Variants in GPRIN2 observed in about 807,000 individuals in gnomAD.
GPRIN2 encodes the protein G protein-regulated inducer of neurite outgrowth 2.
GPRIN2 carries 1 observed loss-of-function variant against 0.3 expected under a neutral mutation model. The observed-to-expected ratio is 3.90, with a 90% CI of 1.39 to 18.51. GPRIN2 has a LOEUF of 18.51. Ranked by LOEUF, GPRIN2 falls within the 30% of genes most tolerant of loss-of-function variation. The pLI, the probability that GPRIN2 is intolerant of heterozygous loss-of-function variation, is 0.11. For synonymous variants in GPRIN2, 361 were observed against 258.6 expected, an observed-to-expected ratio of 1.40 and a Z score of -3.80; for missense variants, 880 against 604.2, an observed-to-expected ratio of 1.46 and a Z score of -4.79.
In GPRIN2 at chr10:46,546,335, C is replaced by A. The variant is rs1842158811; in HGVS notation, c.*3025G>T. 6.6e-6 allele frequency among the ~76,000 whole-genome samples: 1 copy of A among 152,306 alleles called. No homozygotes were observed. On this transcript the variant is annotated 3_prime_UTR_variant, in exon 3 of 3. Transcript: ENST00000374314. ...GCAGGTGGGCAGAAGCAGGGAGCCC[C>A]TGGAGCAGACAGAGGGGGGATTCCT... is the stretch of plus-strand genomic sequence containing the variant.
chr10:46,552,918 T>G (rs1253623901), intron 2 of GPRIN2, among the ~76,000 whole-genome samples: 2 of 152,310 alleles, frequency 1.3e-5, no homozygotes, highest in Non-Finnish European at 2.9e-5. Flanking sequence ...ACCCAGACCC[T>G]GCCCTCAATG....
At chr10:46,552,515 A>G (rs1192255500) in intron 2 of GPRIN2, among the ~76,000 whole-genome samples, 5 of 152,306 alleles carry the variant, frequency 3.3e-5, no homozygotes, top group Non-Finnish European at 5.9e-5. Flanking sequence ...TGTAATTACA[A>G]ATGTCCTGGC....
chr10:46,554,033 C>T (rs1416226930), intron 2 of GPRIN2, among the ~76,000 whole-genome samples: 2 of 152,308 alleles, frequency 1.3e-5, no homozygotes, highest in African/African-American at 4.8e-5. Context: ...CACAGGTGGA[C>T]CCCTAACTTC....
chr10:46,557,532 C>G (rs1262963246), upstream of GPRIN2, among the ~76,000 whole-genome samples: 1 of 152,306 alleles, frequency 6.6e-6, no homozygotes, highest in Admixed American at 6.5e-5. Context: ...GGGCAGTGAC[C>G]GTGCGGGGAT....
Position 46,547,281 on chromosome 10 carries a change from C to T in GPRIN2, c.*2079G>A, listed in dbSNP as rs888777660. ...CCACTCCATTGCCCCTAAACAGGCC[C>T]CTCCTTGGTGTCACCTGGCACATCT... On this transcript the variant is annotated 3_prime_UTR_variant, in exon 3 of 3. Coordinates refer to ENST00000374314, the MANE Select transcript of GPRIN2 (RefSeq NM_001385282.1). Among the ~76,000 whole-genome samples the T allele has an allele frequency of 6.6e-6, 1 of 152,312 alleles. No individual in the cohort carries two copies. Among genetic ancestry groups the T allele is most frequent in the African/African-American group, 2.4e-5 (1 of 41,488 alleles).
In GPRIN2 at chr10:46,548,843, G is replaced by A. The variant is rs1832782389; in HGVS notation, c.*517C>T. Among the ~76,000 whole-genome samples the A allele has an allele frequency of 3.3e-5, 5 of 152,312 alleles. No homozygotes were observed. Among genetic ancestry groups the A allele is most frequent in the African/African-American group, 1.2e-4 (5 of 41,488 alleles). ...AGCCTTGCCAAATGAAGGCTTGCCA[G>A]GATGAAGAGGTGAAGACAGGACAAG... On this transcript the variant is annotated 3_prime_UTR_variant, in exon 3 of 3. Transcript: ENST00000374314.
Position 46,550,750 on chromosome 10 carries a change from A to C in GPRIN2, c.-6-8T>G. The C allele has an allele frequency of 6.7e-7, 1 of 1,501,154 alleles. No homozygotes were observed. The highest frequency in any genetic ancestry group is 8.9e-7 in the Non-Finnish European group (1 of 1,127,000). The allele number at this position is 1,501,154 out of a possible 1,614,324, so 93.0% of individuals were successfully genotyped here. A position where few individuals can be genotyped will look rare whatever the true frequency, so the allele number is the denominator to read the frequency against. ...GCTGGAGCTCATGGCTGCCTGCAGA[A>C]GAGAGAAAGGGAGGGAGTGGAGTTG... On this transcript the variant is annotated splice_polypyrimidine_tract_variant and splice_region_variant and intron_variant, in intron 2 of 2. Transcript: ENST00000374314.
At chr10:46,554,392 C>G (rs1293260132) in intron 2 of GPRIN2, among the ~76,000 whole-genome samples, 193 bp downstream of exon 2, 1 of 152,304 alleles carries the variant, frequency 6.6e-6, no homozygotes, top group Non-Finnish European at 1.5e-5. Flanking sequence ...AAATGTTAAC[C>G]TAGGAGGCTA....
rs1841833342 is a variant in GPRIN2, at chr10:46,542,448, G to T, written c.*6912C>A. On this transcript the variant is annotated 3_prime_UTR_variant, in exon 3 of 3. Transcript: ENST00000374314. ...TTCTTGTGATAGTAAGTTCTCACGA[G>T]ATCTGATGGTTTTATAAGTGTTTGG... 6.6e-6 allele frequency among the ~76,000 whole-genome samples: 1 copy of T among 152,312 alleles called. No homozygotes were observed. Among genetic ancestry groups the T allele is most frequent in the African/African-American group, 2.4e-5 (1 of 41,488 alleles).
In GPRIN2 at chr10:46,550,170, C is replaced by A. The variant is rs1832458541; in HGVS notation, c.567G>T (p.Leu189=). ...EDETSNSAWM[L]GASQLSVPPL... is the part of the protein sequence containing the mutation. The stretch of plus-strand genomic sequence containing the variant: ...GTGGCACTGACAACTGACTCGCCCC[C>A]AGCATCCAGGCTGAGTTAGAAGTCT... Residue 189 remains leucine (L), a synonymous_variant, in exon 3 of 3, where the codon CTG becomes CTT. Transcript: ENST00000374314. 4 of 1,599,352 alleles carry A rather than the reference C, an allele frequency of 2.5e-6. No individual in the cohort carries two copies. Among genetic ancestry groups the A allele is most frequent in the Non-Finnish European group, 3.4e-6 (4 of 1,172,234 alleles).
intron 2 of GPRIN2, among the ~76,000 whole-genome samples, chr10:46,553,918 C>G: frequency 6.6e-6 from 1 of 152,420 alleles, no homozygotes; most frequent in Non-Finnish European, 1.5e-5. Flanking sequence ...TGTCACAGTG[C>G]TGTGGACTGG....
Position 46,547,264 on chromosome 10 carries a change from T to C in GPRIN2, c.*2096A>G, listed in dbSNP as rs1027447137. 3.3e-5 allele frequency among the ~76,000 whole-genome samples: 5 copies of C among 152,300 alleles called. No individual in the cohort carries two copies. The highest frequency in any genetic ancestry group is 1.2e-4 in the African/African-American group (5 of 41,482). Reference sequence around the variant, plus strand: ...ACCCAGCCCCCAGCTGCCCACTCCATTGCCCCTAAACAGGCCCCTCCTTGG... The same window carrying C: ...ACCCAGCCCCCAGCTGCCCACTCCACTGCCCCTAAACAGGCCCCTCCTTGG... On this transcript the variant is annotated 3_prime_UTR_variant, in exon 3 of 3. Coordinates refer to ENST00000374314, the MANE Select transcript of GPRIN2 (RefSeq NM_001385282.1).
intron 2 of GPRIN2, among the ~76,000 whole-genome samples, chr10:46,551,893 C>T (rs1832153885): frequency 5.6e-4 from 85 of 152,374 alleles, no homozygotes; most frequent in African/African-American, 2.0e-3. Context: ...AGCCTCCCCA[C>T]AGGCCTGAAG....
At position 46,546,085 on chromosome 10, in the gene GPRIN2, G is replaced by A. The variant is rs934549033; in HGVS notation, c.*3275C>T. ...AGACCCAATCCAGGTGACACAGGAG[G>A]TAAGATCACAGTGGAACAGGCCATC... On this transcript the variant is annotated 3_prime_UTR_variant, in exon 3 of 3. Coordinates refer to ENST00000374314, the MANE Select transcript of GPRIN2 (RefSeq NM_001385282.1). 6.6e-6 allele frequency among the ~76,000 whole-genome samples: 1 copy of A among 152,312 alleles called. No homozygotes were observed. The highest frequency in any genetic ancestry group is 2.4e-5 in the African/African-American group (1 of 41,488).
chr10:46,550,491 C>T lies in GPRIN2; in HGVS notation c.246G>A (p.Ala82=), dbSNP rs1646218782. The change falls in exon 3 of 3, where the codon GCG becomes GCA. Residue 82 remains alanine (A), a synonymous_variant. Transcript: ENST00000374314. ...MKPARASGPK[A]RPSAGGHWWS... is the part of the protein sequence containing the mutation. ...ACCAGTGGCCTCCAGCACTGGGTCG[C>T]GCCTTGGGGCCAGAGGCCCGTGCTG... 1.8e-4 allele frequency: 296 copies of T among 1,608,458 alleles called. No homozygotes were observed. Among genetic ancestry groups the T allele is most frequent in the Middle Eastern group, 1.7e-4 (1 of 6,054 alleles).
intron 1 of GPRIN2, among the ~76,000 whole-genome samples, chr10:46,555,108 G>A (rs1843031788): frequency 6.6e-6 from 1 of 152,308 alleles, no homozygotes; most frequent in South Asian, 2.1e-4. Flanking sequence ...TCGGCGCCCA[G>A]CTAATTTTTG....
At chr10:46,555,699 C>G (rs916534973) in intron 1 of GPRIN2, among the ~76,000 whole-genome samples, 5 of 152,312 alleles carry the variant, frequency 3.3e-5, no homozygotes, top group African/African-American at 9.6e-5. Flanking sequence ...AGGCGCCCAA[C>G]AGCCCCTGAG....
At position 46,556,638 on chromosome 10, in the gene GPRIN2, C is replaced by G. The variant is rs562427443; in HGVS notation, c.-258G>C. 2.0e-5 allele frequency among the ~76,000 whole-genome samples: 3 copies of G among 151,958 alleles called. No individual in the cohort carries two copies. Among genetic ancestry groups the G allele is most frequent in the East Asian group, 1.9e-4 (1 of 5,206 alleles). On this transcript the variant is annotated 5_prime_UTR_variant, in exon 1 of 3. Coordinates refer to ENST00000374314, the MANE Select transcript of GPRIN2 (RefSeq NM_001385282.1). ...GCCGCCCGCCGCCGTCGGCCCGGCC[C>G]GCGGAGCAAGCGCCGGGTACAGGGA...
Position 46,550,216 on chromosome 10 carries a change from C to G in GPRIN2, c.521G>C (p.Arg174Thr). 1 of 1,602,716 alleles carries G rather than the reference C, an allele frequency of 6.2e-7. No homozygotes were observed. ...QGGQAPAGLE[R>T]DLAPEDETSN... ...AGTCTCATCCTCAGGAGCCAGGTCC[C>G]TTTCCAGGCCTGCAGGGGCCTGGCC... is the stretch of plus-strand genomic sequence containing the variant. The change falls in exon 3 of 3, where the codon AGG (arginine) becomes ACG (threonine). Residue 174 changes from arginine to threonine, a missense_variant. Transcript: ENST00000374314.
Sources: gnomAD v4.1 joint callset for allele counts (sites outside exome capture counted in the v4.1 genomes callset) on GRCh38, gnomAD v4.1.1 for gene constraint, MANE v1.5 for transcripts, NCBI Gene and HGNC (gene_info 2026-07-23, HGNC 2026-07-21) for gene names.